Variants in AGPAT4 observed in about 807,000 individuals in gnomAD.
AGPAT4 encodes the protein 1-acylglycerol-3-phosphate O-acyltransferase 4.
AGPAT4 carries 15 observed loss-of-function variants against 48.0 expected under a neutral mutation model. The observed-to-expected ratio is 0.31, with a 90% CI of 0.21 to 0.48. AGPAT4 has a LOEUF of 0.48. Among genes scored for constraint, AGPAT4 ranks in the 20% least tolerant of loss-of-function variants. The pLI, the probability that AGPAT4 is intolerant of heterozygous loss-of-function variation, is 0.99. For missense variants in AGPAT4, 314 were observed against 482.5 expected (o/e 0.65, Z 3.27); for synonymous variants, 178 against 198.7 (o/e 0.90, Z 0.88).
At position 161,165,593 on chromosome 6, in the gene AGPAT4, ACT is replaced by A. The variant is rs1213381390; in HGVS notation, c.348+653_348+654del. On this transcript the variant is annotated intron_variant, in intron 3 of 8. Transcript: ENST00000320285. The surrounding 1 kb of genome is among the most constrained non-coding windows in gnomAD (Gnocchi z 5.5). ...ACGGAATACCTGAGTACCGCAGATG[ACT>A]CTGATTCAGCTATGTGACACAGGCT... 16 of 1,299,486 alleles carry A rather than the reference ACT, an allele frequency of 1.2e-5. No individual in the cohort carries two copies. Among genetic ancestry groups the A allele is most frequent in the Non-Finnish European group, 1.5e-5 (15 of 987,788 alleles). 80.5% of individuals were successfully genotyped at this position (1,299,486 alleles called of 1,614,324 possible). A position where few individuals can be genotyped will look rare whatever the true frequency, so the allele number is the denominator to read the frequency against.
At chr6:161,239,041 A>T (rs1398068300) in intron 1 of AGPAT4, among the ~76,000 whole-genome samples, 4 of 152,212 alleles carry the variant, frequency 2.6e-5, no homozygotes, top group Admixed American at 6.5e-5. Context: ...AGAATATGTT[A>T]AAGTGCAAGC....
chr6:161,170,475 A>G (rs756066692), intron 2 of AGPAT4, among the ~76,000 whole-genome samples: 360 of 27,896 alleles, frequency 0.013, 2 homozygotes, highest in Middle Eastern at 0.029. Context: ...GCGCGCGCGC[A>G]CACACACACA....
Position 161,169,429 on chromosome 6 carries a change from C to A in AGPAT4, c.179-3012G>T, listed in dbSNP as rs1780204045. Among the ~76,000 whole-genome samples the A allele has an allele frequency of 6.6e-6, 1 of 152,126 alleles. No individual in the cohort carries two copies. The highest frequency in any genetic ancestry group is 1.5e-5 in the Non-Finnish European group (1 of 68,024). Reference sequence around the variant, plus strand: ...GCTCACTAGACAACTAAACTCTGAACCTCACTGGATAAAAGAGCTTGATTT... The same window carrying A: ...GCTCACTAGACAACTAAACTCTGAAACTCACTGGATAAAAGAGCTTGATTT... On this transcript the variant is annotated intron_variant, in intron 2 of 8. Transcript: ENST00000320285. The surrounding 1 kb of genome is among the most constrained non-coding windows in gnomAD (Gnocchi z 5.0).
In AGPAT4 at chr6:161,219,875, G is replaced by GA. The variant is rs1264247630; in HGVS notation, c.178+12160_178+12161insT. ...GATAGATAGATAGATAGATAGATAG[G>GA]CAGGCAGGCAGGCAGGCAGGCAGGC... On this transcript the variant is annotated intron_variant, in intron 2 of 8. Transcript: ENST00000320285. The surrounding 1 kb of genome is among the most constrained non-coding windows in gnomAD (Gnocchi z 4.9). Among the ~76,000 whole-genome samples, 2,140 of 73,812 alleles carry GA rather than the reference G, an allele frequency of 0.029. 39 individuals carry two copies. Among genetic ancestry groups the GA allele is most frequent in the Non-Finnish European group, 0.036 (1,212 of 33,818 alleles). 48.4% of individuals were successfully genotyped at this position (73,812 alleles called of 152,430 possible). A position where few individuals can be genotyped will look rare whatever the true frequency, so the allele number is the denominator to read the frequency against.
rs1782360503 is a variant in AGPAT4 at position 161,238,280 on chromosome 6, A to C, written c.-89-5978T>G. 6.6e-6 allele frequency among the ~76,000 whole-genome samples: 1 copy of C among 152,226 alleles called. No individual in the cohort carries two copies. The highest frequency in any genetic ancestry group is 6.5e-5 in the Admixed American group (1 of 15,286). ...ACTTCAGCATGAGGTGGCTGCAAGG[A>C]GCAAGTATAGTAAAGCATTGGAAAC... is the stretch of plus-strand genomic sequence containing the variant. On this transcript the variant is annotated intron_variant, in intron 1 of 8. Coordinates refer to ENST00000320285, the MANE Select transcript of AGPAT4 (RefSeq NM_020133.3). This position sits in a 1 kb window ranked among gnomAD's most constrained non-coding sequence, Gnocchi z 5.2.
chr6:161,272,703 TAAACACACACACACACACACACACACAC>T lies in AGPAT4; in HGVS notation c.-90+1207_-90+1234del, dbSNP rs990894087. On this transcript the variant is annotated intron_variant, in intron 1 of 8. Transcript: ENST00000320285. The surrounding 1 kb of genome is among the most constrained non-coding windows in gnomAD (Gnocchi z 4.2). ...TCTCCCTGCCCGCCTCCCATTTCCC[TAAACACACACACACACACACACACACAC>T]AAACACACACATTCTCCCTTCTCTC... 8.3e-6 allele frequency among the ~76,000 whole-genome samples: 1 copy of T among 120,524 alleles called. No homozygotes were observed. Among genetic ancestry groups the T allele is most frequent in the Non-Finnish European group, 1.6e-5 (1 of 62,752 alleles). 79.1% of individuals were successfully genotyped at this position (120,524 alleles called of 152,430 possible).
Position 161,216,039 on chromosome 6 carries a change from G to T in AGPAT4, c.178+15997C>A, listed in dbSNP as rs557498485. Among the ~76,000 whole-genome samples, 1 of 152,158 alleles carries T rather than the reference G, an allele frequency of 6.6e-6. No individual in the cohort carries two copies. Among genetic ancestry groups the T allele is most frequent in the African/African-American group, 2.4e-5 (1 of 41,452 alleles). On this transcript the variant is annotated intron_variant, in intron 2 of 8. Transcript: ENST00000320285. This position sits in a 1 kb window ranked among gnomAD's most constrained non-coding sequence, Gnocchi z 4.8. ...CTTAACCGCACCATGTCCAGTTGAC[G>T]AGGATTAAAGAAAACAAACAAAAAA...
In AGPAT4 at chr6:161,221,227, T is replaced by C. The variant is rs561929290; in HGVS notation, c.178+10809A>G. Among the ~76,000 whole-genome samples the C allele has an allele frequency of 2.6e-5, 4 of 152,266 alleles. No individual in the cohort carries two copies. The highest frequency in any genetic ancestry group is 3.9e-4 in the East Asian group (2 of 5,156). On this transcript the variant is annotated intron_variant, in intron 2 of 8. Coordinates refer to ENST00000320285, the MANE Select transcript of AGPAT4 (RefSeq NM_020133.3). This position sits in a 1 kb window ranked among gnomAD's most constrained non-coding sequence, Gnocchi z 4.5. Reference sequence around the variant, plus strand: ...GCTGGGTTTCCAGCATGGCAACCACTGGCTAGATCTGAGTGGGGCAACTGG... The same window carrying C: ...GCTGGGTTTCCAGCATGGCAACCACCGGCTAGATCTGAGTGGGGCAACTGG...
Position 161,149,027 on chromosome 6 carries a change from G to T in AGPAT4, c.767+160C>A. 1 of 602,620 alleles carries T rather than the reference G, an allele frequency of 1.7e-6. No individual in the cohort carries two copies. Among genetic ancestry groups the T allele is most frequent in the Non-Finnish European group, 2.1e-6 (1 of 480,628 alleles). The allele number at this position is 602,620 out of a possible 1,614,324, so 37.3% of individuals were successfully genotyped here. A position where few individuals can be genotyped will look rare whatever the true frequency, so the allele number is the denominator to read the frequency against. ...GCTGGGACGGAAGGAGACTTCAGCA[G>T]ATCATTCCAATAGTAGGATGTGTCA... On this transcript the variant is annotated intron_variant, in intron 6 of 8. Coordinates refer to ENST00000320285, the MANE Select transcript of AGPAT4 (RefSeq NM_020133.3). The surrounding 1 kb of genome is among the most constrained non-coding windows in gnomAD (Gnocchi z 6.5).
intron 2 of AGPAT4, among the ~76,000 whole-genome samples, chr6:161,194,551 T>C (rs1394252529): frequency 6.6e-6 from 1 of 151,406 alleles, no homozygotes; most frequent in Non-Finnish European, 1.5e-5. Context: ...TGTATGTGTA[T>C]GTGTGCATGT....
chr6:161,241,893 C>G (rs188333288), intron 1 of AGPAT4, among the ~76,000 whole-genome samples: 2 of 152,158 alleles, frequency 1.3e-5, no homozygotes, highest in East Asian at 1.9e-4. Context: ...CTATCACGCT[C>G]GAATAATTTT....
At chr6:161,248,816 G>GA (rs1393742684) in intron 1 of AGPAT4, among the ~76,000 whole-genome samples, 2 of 152,156 alleles carry the variant, frequency 1.3e-5, no homozygotes, top group East Asian at 1.9e-4. Context: ...ACTATTAATA[G>GA]AAAAAACTAT....
chr6:161,157,519 G>A (rs1315806749), intron 3 of AGPAT4, among the ~76,000 whole-genome samples: 1 of 152,100 alleles, frequency 6.6e-6, no homozygotes, highest in East Asian at 1.9e-4. Context: ...TACCATGTTG[G>A]CCAGGCTAGT....
rs950248550 is a variant in AGPAT4 at position 161,137,486 on chromosome 6, G to A, written c.1043-852C>T. 6.6e-6 allele frequency among the ~76,000 whole-genome samples: 1 copy of A among 152,204 alleles called. No individual in the cohort carries two copies. The highest frequency in any genetic ancestry group is 1.5e-5 in the Non-Finnish European group (1 of 68,022). ...ATGGATGCAAGAGCCTGGGATGGGCGAATCCAGCCCAGCCAGCAGGAGGCA... is the reference window on the plus strand; with the variant it reads ...ATGGATGCAAGAGCCTGGGATGGGCAAATCCAGCCCAGCCAGCAGGAGGCA... On this transcript the variant is annotated intron_variant, in intron 8 of 8. Coordinates refer to ENST00000320285, the MANE Select transcript of AGPAT4 (RefSeq NM_020133.3). This position sits in a 1 kb window ranked among gnomAD's most constrained non-coding sequence, Gnocchi z 6.1.
Position 161,270,521 on chromosome 6 carries a change from C to G in AGPAT4, c.-90+3417G>C, listed in dbSNP as rs1293958915. On this transcript the variant is annotated intron_variant, in intron 1 of 8. Transcript: ENST00000320285. This position sits in a 1 kb window ranked among gnomAD's most constrained non-coding sequence, Gnocchi z 5.3. Reference sequence around the variant, plus strand: ...CGGTGGCTCACGCCTGTAATCCCAGCATTCTGGGAGGCCAAGGCAGGTGCA... The same window carrying G: ...CGGTGGCTCACGCCTGTAATCCCAGGATTCTGGGAGGCCAAGGCAGGTGCA... Among the ~76,000 whole-genome samples the G allele has an allele frequency of 6.6e-6, 1 of 152,220 alleles. No homozygotes were observed. Among genetic ancestry groups the G allele is most frequent in the Non-Finnish European group, 1.5e-5 (1 of 68,046 alleles).
chr6:161,206,032 C>T lies in AGPAT4; in HGVS notation c.178+26004G>A, dbSNP rs1020898697. 6.6e-6 allele frequency among the ~76,000 whole-genome samples: 1 copy of T among 152,074 alleles called. No homozygotes were observed. The highest frequency in any genetic ancestry group is 2.1e-4 in the South Asian group (1 of 4,822). On this transcript the variant is annotated intron_variant, in intron 2 of 8. Coordinates refer to ENST00000320285, the MANE Select transcript of AGPAT4 (RefSeq NM_020133.3). This position sits in a 1 kb window ranked among gnomAD's most constrained non-coding sequence, Gnocchi z 4.8. The stretch of plus-strand genomic sequence containing the variant: ...ATCTGAGGAACGACATGGTGGTGAA[C>T]TCTTTGTACTCGTATGTTTTTTCAA...
At chr6:161,156,312 C>T (rs1779767276) in intron 3 of AGPAT4, among the ~76,000 whole-genome samples, 1 of 152,222 alleles carries the variant, frequency 6.6e-6, no homozygotes, top group Non-Finnish European at 1.5e-5. Flanking sequence ...CACACAGCCT[C>T]TTGTCCATGT....
At chr6:161,263,771 A>G (rs931792650) in intron 1 of AGPAT4, among the ~76,000 whole-genome samples, 2 of 152,132 alleles carry the variant, frequency 1.3e-5, no homozygotes, top group African/African-American at 4.8e-5. Flanking sequence ...AGATTTCCAC[A>G]TGATTTGGGG....
intron 2 of AGPAT4, among the ~76,000 whole-genome samples, chr6:161,183,856 G>A (rs1055103060): frequency 3.3e-5 from 5 of 151,616 alleles, no homozygotes; most frequent in African/African-American, 7.3e-5. Flanking sequence ...CTGGGGACAT[G>A]GGGAAGCAGG....
Sources: gnomAD v4.1 joint callset for allele counts (sites outside exome capture counted in the v4.1 genomes callset) on GRCh38, gnomAD v4.1.1 for gene constraint, Gnocchi (gnomAD v3.1) non-coding constraint, MANE v1.5 for transcripts, NCBI Gene and HGNC (gene_info 2026-07-23, HGNC 2026-07-21) for gene names.